SDK1: variants seen among roughly 807,000 people sequenced by gnomAD.
The protein encoded by SDK1 is protein sidekick-1.
Under a neutral mutation model 245.5 loss-of-function variants are expected in SDK1, and 157 were observed. The observed-to-expected ratio is 0.64, with a 90% confidence interval of 0.56 to 0.73. The LOEUF (loss-of-function observed/expected upper bound fraction) is 0.73. SDK1 is among the 30% of genes least tolerant of loss of function. SDK1 has a pLI of 0.00. For synonymous variants in SDK1, 1,647 were observed against 1,278.5 expected, an observed-to-expected ratio of 1.29 and a Z score of -6.15; for missense variants, 3,583 against 3,002.3, an observed-to-expected ratio of 1.19 and a Z score of -4.52.
intron 2 of SDK1, among the ~76,000 whole-genome samples, chr7:3,620,760 C>A (rs189322002): frequency 2.6e-3 from 390 of 152,204 alleles, no homozygotes; most frequent in African/African-American, 9.0e-3. Flanking sequence ...ATGGACACTC[C>A]CTGGTTCTCC....
intron 4 of SDK1, among the ~76,000 whole-genome samples, chr7:3,645,228 T>G (rs1782791904): frequency 6.6e-6 from 1 of 152,234 alleles, no homozygotes; most frequent in Non-Finnish European, 1.5e-5. Context: ...AGAAGGGCTT[T>G]AACTTGGTGT....
intron 5 of SDK1, among the ~76,000 whole-genome samples, chr7:3,854,253 T>A (rs1476147787): frequency 6.6e-6 from 1 of 152,196 alleles, no homozygotes; most frequent in Non-Finnish European, 1.5e-5. Flanking sequence ...ATCTCAACTC[T>A]GTTCCTTCCT....
At position 3,768,836 on chromosome 7, in the gene SDK1, A is replaced by G. The variant is rs1356373470; in HGVS notation, c.714-52614A>G. Among the ~76,000 whole-genome samples the G allele has an allele frequency of 2.0e-5, 3 of 152,104 alleles. No homozygotes were observed. In the East Asian group the frequency reaches 5.8e-4, roughly 29 times the overall value. ...TACCCTCTCCATGACCCAAATTGTC[A>G]TTTTCCATTCAGTTTTCCTTCCCCA... On this transcript the variant is annotated intron_variant, in intron 4 of 44. Coordinates refer to ENST00000404826, the MANE Select transcript of SDK1 (RefSeq NM_152744.4).
intron 5 of SDK1, among the ~76,000 whole-genome samples, chr7:3,840,776 C>T (rs1780137258): frequency 6.6e-6 from 1 of 152,182 alleles, no homozygotes; most frequent in African/African-American, 2.4e-5. Flanking sequence ...CCGAGAATCG[C>T]GAGCCTCGCC....
At chr7:3,767,869 T>C (rs1366543237) in intron 4 of SDK1, among the ~76,000 whole-genome samples, 3 of 152,238 alleles carry the variant, frequency 2.0e-5, no homozygotes, top group African/African-American at 7.2e-5. Flanking sequence ...TTGATTATCA[T>C]AAAATGACTG....
chr7:3,542,447 GC>G (rs1269643078), intron 1 of SDK1, among the ~76,000 whole-genome samples: 2 of 152,252 alleles, frequency 1.3e-5, no homozygotes, highest in East Asian at 3.9e-4. Context: ...CCTGGGCTGG[GC>G]CTTTCCTCTT....
At chr7:3,804,518 G>C (rs7811894) in intron 4 of SDK1, among the ~76,000 whole-genome samples, 49,282 of 151,900 alleles carry the variant, frequency 0.32, 10,204 homozygotes, top group African/African-American at 0.59. Context: ...CCCACTTTTT[G>C]CTTCTTTTTC....
chr7:3,484,100 T>C (rs1028423509), intron 1 of SDK1, among the ~76,000 whole-genome samples: 18 of 152,208 alleles, frequency 1.2e-4, no homozygotes, highest in Admixed American at 1.1e-3. Flanking sequence ...AAGAAATGCC[T>C]TACTTCAGTA....
chr7:4,089,000 T>G (rs1037540381), intron 22 of SDK1, among the ~76,000 whole-genome samples: 1 of 150,602 alleles, frequency 6.6e-6, no homozygotes, highest in Non-Finnish European at 1.5e-5. Context: ...CAGGTGGAGG[T>G]GAGACCCTTG....
intron 1 of SDK1, among the ~76,000 whole-genome samples, chr7:3,528,821 CAG>C (rs144044795): frequency 2.0e-5 from 3 of 152,012 alleles, no homozygotes; most frequent in Admixed American, 6.6e-5. Context: ...GTGGAAGACT[CAG>C]AGAGAGAGGT....
chr7:4,081,861 C>T (rs969572617), intron 22 of SDK1, among the ~76,000 whole-genome samples: 2 of 152,116 alleles, frequency 1.3e-5, no homozygotes, highest in Non-Finnish European at 2.9e-5. Flanking sequence ...TTTTTATTGG[C>T]GTATTTTGAA....
intron 1 of SDK1, among the ~76,000 whole-genome samples, chr7:3,602,289 C>T (rs1371534496): frequency 6.6e-6 from 1 of 151,240 alleles, no homozygotes. Context: ...TTTACAGTCC[C>T]ACCAACAGTG....
chr7:3,502,007 C>A (rs892301535), intron 1 of SDK1, among the ~76,000 whole-genome samples: 3 of 152,108 alleles, frequency 2.0e-5, no homozygotes, highest in African/African-American at 7.2e-5. Context: ...TAGTGATAGG[C>A]AAACTTTTAA....
At chr7:3,535,485 C>T (rs1478245276) in intron 1 of SDK1, among the ~76,000 whole-genome samples, 1 of 152,078 alleles carries the variant, frequency 6.6e-6, no homozygotes, top group African/African-American at 2.4e-5. Context: ...AGAAAGCTGG[C>T]TGGGGACCCA....
intron 5 of SDK1, among the ~76,000 whole-genome samples, chr7:3,863,802 C>T (rs865860898): frequency 6.6e-6 from 1 of 152,212 alleles, no homozygotes; most frequent in African/African-American, 2.4e-5. Flanking sequence ...TTCCATCGTA[C>T]GGATGGACCC....
chr7:3,457,637 T>C (rs941422020), intron 1 of SDK1, among the ~76,000 whole-genome samples: 5 of 152,216 alleles, frequency 3.3e-5, no homozygotes, highest in Admixed American at 3.3e-4. Flanking sequence ...TTCAGCTTAA[T>C]ATGGCCAAAC....
At chr7:3,694,959 T>C (rs1265425897) in intron 4 of SDK1, among the ~76,000 whole-genome samples, 1 of 152,222 alleles carries the variant, frequency 6.6e-6, no homozygotes, top group Admixed American at 6.5e-5. Context: ...AAGTGTCTTC[T>C]TATTGATCTA....
At chr7:3,747,823 G>T (rs1478345020) in intron 4 of SDK1, among the ~76,000 whole-genome samples, 2 of 152,042 alleles carry the variant, frequency 1.3e-5, no homozygotes, top group Non-Finnish European at 2.9e-5. Context: ...GTAACCAGCA[G>T]CAGACCCTGT....
intron 41 of SDK1, among the ~76,000 whole-genome samples, chr7:4,234,439 G>A (rs1482010001): frequency 6.6e-6 from 1 of 152,184 alleles, no homozygotes; most frequent in Admixed American, 6.5e-5. Context: ...GACACACAGG[G>A]TGGGGGCTGT....
Sources: allele counts gnomAD v4.1 joint callset (sites outside exome capture counted in the v4.1 genomes callset), GRCh38; gene constraint gnomAD v4.1.1; transcripts MANE v1.5; gene names NCBI Gene and HGNC (gene_info 2026-07-23, HGNC 2026-07-21).